FRMPD4: variants seen among roughly 807,000 people sequenced by gnomAD.
The protein encoded by FRMPD4 is FERM and PDZ domain containing 4, also known as FERM and PDZ domain-containing protein 4.
A neutral mutation model predicts 94.1 loss-of-function variants in FRMPD4; 22 were observed. That is an observed-to-expected ratio of 0.23 (90% CI 0.17 to 0.33). FRMPD4 has a LOEUF of 0.33. Ranked by LOEUF, FRMPD4 falls within the 10% of genes least tolerant of loss-of-function variation. The probability of loss-of-function intolerance (pLI) is 1.00; values close to 1 mark genes in which losing one functional copy is unlikely to be tolerated. For synonymous variants in FRMPD4, 631 were observed against 548.6 expected (o/e 1.15, Z -2.10); for missense variants, 1,111 against 1,339.9 (o/e 0.83, Z 2.67).
At chrX:12,202,231 CAA>C (rs1242914262) in intron 1 of FRMPD4, among the ~76,000 whole-genome samples, 4 of 111,712 alleles carry the variant, frequency 3.6e-5, no homozygotes, top group African/African-American at 1.3e-4. Context: ...CTTGTTGTAT[CAA>C]AATGATTAAG....
chrX:12,678,989 C>G (rs1238501720), intron 5 of FRMPD4, among the ~76,000 whole-genome samples: 2 of 112,500 alleles, frequency 1.8e-5, no homozygotes, highest in Non-Finnish European at 1.9e-5. Context: ...TTTCCTGCCT[C>G]CAACTTCCTA....
At chrX:12,344,207 CACA>C (rs916059342) in intron 1 of FRMPD4, among the ~76,000 whole-genome samples, 2 of 111,783 alleles carry the variant, frequency 1.8e-5, no homozygotes, top group African/African-American at 3.3e-5. Flanking sequence ...AGCACACAAA[CACA>C]ACACCAGGAA....
chrX:12,394,935 A>C (rs2056523961), intron 1 of FRMPD4, among the ~76,000 whole-genome samples: 1 of 111,736 alleles, frequency 8.9e-6, no homozygotes, highest in African/African-American at 3.3e-5. Context: ...ACCGACATAA[A>C]GATGACTGAG....
At chrX:12,298,442 G>T (rs2054807255) in intron 1 of FRMPD4, among the ~76,000 whole-genome samples, 1 of 112,455 alleles carries the variant, frequency 8.9e-6, no homozygotes. Flanking sequence ...TGGCATATCA[G>T]CTCTGATTCC....
intron 3 of FRMPD4, among the ~76,000 whole-genome samples, chrX:11,932,944 T>C (rs2054130091): frequency 9.0e-6 from 1 of 111,716 alleles, no homozygotes; most frequent in African/African-American, 3.3e-5. Context: ...TGCTTTCTTG[T>C]TTATAATTTG....
intron 2 of FRMPD4, among the ~76,000 whole-genome samples, chrX:12,589,123 A>G (rs1232783306): frequency 8.9e-6 from 1 of 112,573 alleles, no homozygotes; most frequent in Non-Finnish European, 1.9e-5. Context: ...TAATATAAAC[A>G]CAGGCATTTT....
intron 3 of FRMPD4, among the ~76,000 whole-genome samples, chrX:12,018,061 G>C (rs773851393): frequency 2.7e-5 from 3 of 110,460 alleles, no homozygotes; most frequent in Non-Finnish European, 5.7e-5. Context: ...AAATTAAAAA[G>C]AGAACCATAC....
At chrX:11,950,339 T>C (rs1020418252) in intron 3 of FRMPD4, among the ~76,000 whole-genome samples, 10 of 112,134 alleles carry the variant, frequency 8.9e-5, no homozygotes, top group Admixed American at 3.8e-4. Flanking sequence ...GGGTATTTCT[T>C]CATAGCACTG....
At chrX:12,605,438 G>C (rs1254840262) in intron 2 of FRMPD4, among the ~76,000 whole-genome samples, 1 of 111,408 alleles carries the variant, frequency 9.0e-6, no homozygotes, top group Non-Finnish European at 1.9e-5. Flanking sequence ...TCTCACCCTG[G>C]TCCAAGCCAC....
intron 1 of FRMPD4, among the ~76,000 whole-genome samples, chrX:12,210,398 C>T (rs1476874798): frequency 9.0e-6 from 1 of 111,116 alleles, no homozygotes; most frequent in African/African-American, 3.3e-5. Flanking sequence ...CCATGTGGCC[C>T]AGCACAAGCC....
intron 7 of FRMPD4, 84 bp downstream of exon 7, chrX:12,686,288 T>C: frequency 2.1e-6 from 1 of 484,063 alleles, no homozygotes; most frequent in South Asian, 3.6e-5. Context: ...CAGCATCTTC[T>C]TTCAGAACTA....
At chrX:12,032,037 C>T (rs2054695092) in intron 3 of FRMPD4, among the ~76,000 whole-genome samples, 1 of 111,657 alleles carries the variant, frequency 9.0e-6, no homozygotes, top group African/African-American at 3.3e-5. Context: ...GCATCATCCA[C>T]TAAGACAGGA....
intron 1 of FRMPD4, among the ~76,000 whole-genome samples, chrX:11,832,505 T>A (rs1343922808): frequency 9.0e-6 from 1 of 111,397 alleles, no homozygotes; most frequent in Non-Finnish European, 1.9e-5. Flanking sequence ...TTAAAATACC[T>A]TTCTGTCCTA....
intron 3 of FRMPD4, among the ~76,000 whole-genome samples, chrX:11,951,059 CAAAAAAAAAAA>C (rs35673540): frequency 6.2e-5 from 2 of 32,346 alleles, no homozygotes; most frequent in Non-Finnish European, 1.1e-4. Context: ...AACTCCATCT[CAAAAAAAAAAA>C]AAAAAAAAAA....
At position 11,864,391 on chromosome X, in the gene FRMPD4, G is replaced by A. The variant is rs373696543; in HGVS notation, c.-160-695G>A. Reference sequence around the variant, plus strand: ...GGATGAGGTCAGAGGAAGCCACCTAGGGGATGCCTGAGCCCACAAGACTAA... The same window carrying A: ...GGATGAGGTCAGAGGAAGCCACCTAAGGGATGCCTGAGCCCACAAGACTAA... On this transcript the variant is annotated intron_variant, in intron 1 of 18. Transcript: ENST00000640291. Among the ~76,000 whole-genome samples, 6 of 109,412 alleles carry A rather than the reference G, an allele frequency of 5.5e-5. No individual in the cohort carries two copies. In the East Asian group the frequency reaches 1.5e-3, roughly 27 times the overall value.
At chrX:12,378,198 G>A (rs1387028568) in intron 1 of FRMPD4, among the ~76,000 whole-genome samples, 1 of 111,996 alleles carries the variant, frequency 8.9e-6, no homozygotes, top group East Asian at 2.8e-4. Flanking sequence ...CGGGGATAAT[G>A]TTTTGCTGGA....
chrX:12,060,198 T>A (rs1010977746), intron 3 of FRMPD4, among the ~76,000 whole-genome samples: 1 of 110,839 alleles, frequency 9.0e-6, no homozygotes, highest in African/African-American at 3.3e-5. Flanking sequence ...CCACAGTGGC[T>A]GAACTAATTT....
At chrX:11,872,543 T>C (rs1371501673) in intron 2 of FRMPD4, among the ~76,000 whole-genome samples, 5 of 112,191 alleles carry the variant, frequency 4.5e-5, no homozygotes, top group Non-Finnish European at 9.4e-5. Flanking sequence ...CTTACTCTTT[T>C]ACAGAGAAAA....
chrX:11,856,423 T>C (rs781609882), intron 1 of FRMPD4, among the ~76,000 whole-genome samples: 1 of 112,163 alleles, frequency 8.9e-6, no homozygotes, highest in Non-Finnish European at 1.9e-5. Flanking sequence ...AAAATGTGAT[T>C]CATCATATAA....
Sources: gnomAD v4.1 joint callset for allele counts (sites outside exome capture counted in the v4.1 genomes callset) on GRCh38, gnomAD v4.1.1 for gene constraint, MANE v1.5 for transcripts, NCBI Gene and HGNC (gene_info 2026-07-23, HGNC 2026-07-21) for gene names.